Variants in SLCO2B1 observed in about 807,000 individuals in gnomAD.
SLCO2B1 encodes the protein OATP-RP2.
Under a neutral mutation model 67.3 loss-of-function variants are expected in SLCO2B1, and 41 were observed. The ratio of observed to expected loss-of-function variants is 0.61; its 90% confidence interval spans 0.47 to 0.79. The LOEUF (loss-of-function observed/expected upper bound fraction) is 0.79. Ranked by LOEUF, SLCO2B1 falls within the 30% of genes least tolerant of loss-of-function variation. The pLI, the probability that SLCO2B1 is intolerant of heterozygous loss-of-function variation, is 0.00. For synonymous variants in SLCO2B1, 379 were observed against 381.4 expected (o/e 0.99, Z 0.07); for missense variants, 837 against 920.1 (o/e 0.91, Z 1.17).
At chr11:75,154,166 C>G (rs1284553993) in intron 1 of SLCO2B1, among the ~76,000 whole-genome samples, 2 of 151,218 alleles carry the variant, frequency 1.3e-5, no homozygotes, top group African/African-American at 2.4e-5. Context: ...CCTCGTGATC[C>G]ATCTGCCTCA....
intron 9 of SLCO2B1, among the ~76,000 whole-genome samples, chr11:75,195,005 G>A (rs756142473): frequency 1.3e-5 from 2 of 152,150 alleles, no homozygotes; most frequent in Non-Finnish European, 1.5e-5. Context: ...TGCAAGAACC[G>A]ACGGTCTCCC....
intron 13 of SLCO2B1, chr11:75,203,900 G>T (rs1945227673): frequency 6.0e-6 from 1 of 165,926 alleles, no homozygotes; most frequent in African/African-American, 2.4e-5. Context: ...GCACAGAGGC[G>T]GCTGGCCTGG....
At chr11:75,198,755 G>A (rs1945140161) in intron 10 of SLCO2B1, among the ~76,000 whole-genome samples, 1 of 152,342 alleles carries the variant, frequency 6.6e-6, no homozygotes, top group African/African-American at 2.4e-5. Flanking sequence ...TCTTGGCTCA[G>A]GGATGGGTGG....
At chr11:75,169,581 T>TA (rs1949935704) in intron 5 of SLCO2B1, 85 bp from the exon 6 acceptor site, 1 of 1,287,218 alleles carries the variant, frequency 7.8e-7, no homozygotes, top group African/African-American at 1.5e-5. Context: ...AGACAGAGTG[T>TA]TCTTGCCCAT....
At chr11:75,177,652 C>T (rs1343904307) in intron 7 of SLCO2B1, among the ~76,000 whole-genome samples, 1 of 152,158 alleles carries the variant, frequency 6.6e-6, no homozygotes, top group African/African-American at 2.4e-5. Flanking sequence ...TATATGGCAC[C>T]CTCCACCTGG....
chr11:75,171,704 C>T (rs1397593722), intron 6 of SLCO2B1, among the ~76,000 whole-genome samples: 1 of 152,130 alleles, frequency 6.6e-6, no homozygotes, highest in East Asian at 1.9e-4. Flanking sequence ...CCAATTAAAC[C>T]TAGTGGGGGA....
chr11:75,203,522 T>A (rs1258644000), intron 13 of SLCO2B1, 95 bp downstream of exon 13: 26 of 1,503,458 alleles, frequency 1.7e-5, no homozygotes, highest in Non-Finnish European at 9.1e-7. Context: ...TTCATTTAAG[T>A]CTACCTGCTA....
rs146071096 is a variant in SLCO2B1, at chr11:75,177,479, C to A, written c.972+4910C>A. ...GGTTAGACACATGTCATGCTGGAGGCCTGCTGACTTCAGTAGGGATGGCAC... is the reference window on the plus strand; with the variant it reads ...GGTTAGACACATGTCATGCTGGAGGACTGCTGACTTCAGTAGGGATGGCAC... On this transcript the variant is annotated intron_variant, in intron 7 of 13. Transcript: ENST00000289575. 3.3e-5 allele frequency among the ~76,000 whole-genome samples: 5 copies of A among 152,204 alleles called. No homozygotes were observed. The East Asian group carries it at 9.7e-4, about 29-fold the overall frequency.
chr11:75,168,252 G>A (rs1013328303), intron 4 of SLCO2B1, among the ~76,000 whole-genome samples: 3 of 152,090 alleles, frequency 2.0e-5, no homozygotes, highest in African/African-American at 7.2e-5. Flanking sequence ...GTGGGTAAGG[G>A]CCTCTGTCAA....
At chr11:75,179,902 G>C (rs1950073919) in intron 7 of SLCO2B1, among the ~76,000 whole-genome samples, 1 of 152,112 alleles carries the variant, frequency 6.6e-6, no homozygotes, top group Non-Finnish European at 1.5e-5. Context: ...ATGTTGGCCA[G>C]GCTGGTCTTG....
intron 7 of SLCO2B1, among the ~76,000 whole-genome samples, chr11:75,173,042 T>G (rs1251691542): frequency 6.6e-6 from 1 of 152,128 alleles, no homozygotes; most frequent in East Asian, 1.9e-4. Flanking sequence ...TCTCCACAGC[T>G]GAGGAGACCC....
At chr11:75,201,695 T>A (rs1236904858) in intron 11 of SLCO2B1, 1 of 152,228 alleles carries the variant, frequency 6.6e-6, no homozygotes, top group East Asian at 1.9e-4. Context: ...ATCGGTTTAT[T>A]ATAAAAGATA....
intron 11 of SLCO2B1, chr11:75,201,669 C>T (rs1945185763): frequency 6.6e-6 from 1 of 152,222 alleles, no homozygotes; most frequent in Admixed American, 6.5e-5. Context: ...CTCAGGAAAA[C>T]ATCTACTTAA....
chr11:75,163,149 C>T (rs954120738), intron 2 of SLCO2B1, among the ~76,000 whole-genome samples: 1 of 152,156 alleles, frequency 6.6e-6, no homozygotes, highest in African/African-American at 2.4e-5. Context: ...ATCCAACGTC[C>T]ACTGGAGCCC....
rs557514868 is a variant in SLCO2B1, at chr11:75,163,146, G to A, written c.147+361G>A. Reference sequence around the variant, plus strand: ...CCAAGGGCAGCTGTGAACATCCAACGTCCACTGGAGCCCACTGGGTGCCAG... The same window carrying A: ...CCAAGGGCAGCTGTGAACATCCAACATCCACTGGAGCCCACTGGGTGCCAG... On this transcript the variant is annotated intron_variant, in intron 2 of 13. Coordinates refer to ENST00000289575, the MANE Select transcript of SLCO2B1 (RefSeq NM_007256.5). Among the ~76,000 whole-genome samples the A allele has an allele frequency of 2.7e-4, 41 of 152,234 alleles. No homozygotes were observed. In the South Asian group the frequency reaches 5.0e-3, roughly 18 times the overall value.
At chr11:75,184,036 T>C (rs756152054) in intron 7 of SLCO2B1, among the ~76,000 whole-genome samples, 31 of 152,176 alleles carry the variant, frequency 2.0e-4, no homozygotes, top group East Asian at 3.9e-4. Flanking sequence ...GGAAAGGTAG[T>C]TCCGCTAGAG....
At chr11:75,197,026 G>A (rs1945111041) in intron 10 of SLCO2B1, among the ~76,000 whole-genome samples, 1 of 152,224 alleles carries the variant, frequency 6.6e-6, no homozygotes, top group Non-Finnish European at 1.5e-5. Context: ...TGAGGCAGGA[G>A]AATCACTTGA....
chr11:75,166,519 A>C (rs570216302), intron 4 of SLCO2B1, among the ~76,000 whole-genome samples: 55 of 152,180 alleles, frequency 3.6e-4, no homozygotes, highest in African/African-American at 1.3e-3. Context: ...TGACCCTAAC[A>C]ACCTGATCGT....
chr11:75,160,893 C>T (rs778164054), intron 1 of SLCO2B1, among the ~76,000 whole-genome samples: 58 of 152,128 alleles, frequency 3.8e-4, no homozygotes, highest in Non-Finnish European at 6.8e-4. Flanking sequence ...CCACCTCTAC[C>T]CTATGAGGAT....
Sources: allele counts gnomAD v4.1 joint callset (sites outside exome capture counted in the v4.1 genomes callset), GRCh38; gene constraint gnomAD v4.1.1; transcripts MANE v1.5; gene names NCBI Gene and HGNC (gene_info 2026-07-23, HGNC 2026-07-21).